MTTP: variants seen among roughly 807,000 people sequenced by gnomAD.
MTTP encodes the protein microsomal triglyceride transfer protein.
MTTP carries 49 observed loss-of-function variants against 90.6 expected under a neutral mutation model. The ratio of observed to expected loss-of-function variants is 0.54; its 90% confidence interval spans 0.43 to 0.69. The LOEUF (loss-of-function observed/expected upper bound fraction) is 0.69. Ranked by LOEUF, MTTP falls within the 30% of genes least tolerant of loss-of-function variation. The pLI is 0.00. For synonymous variants in MTTP, 347 were observed against 384.2 expected (o/e 0.90, Z 1.13); for missense variants, 945 against 1,067.5 (o/e 0.89, Z 1.60).
intron 3 of MTTP, 77 bp downstream of exon 3, chr4:99,583,594 G>C: frequency 4.6e-6 from 7 of 1,532,372 alleles, no homozygotes; most frequent in Non-Finnish European, 6.3e-6. Context: ...TTATTTTGAG[G>C]TAATCACATT....
Position 99,608,913 on chromosome 4 carries a change from C to T in MTTP, c.1705C>T (p.Gln569Ter), listed in dbSNP as rs1725885571. The change falls in exon 12 of 18, where the codon CAA becomes TAA. Residue 569 changes from glutamine (Q) to a stop codon, truncating the protein, a stop_gained. Transcript: ENST00000265517. LOFTEE classifies it high-confidence loss of function. ...NILLSIGELP[Q>*]EMNKYMLAIV... The stretch of plus-strand genomic sequence containing the variant: ...CCTGCTGTCTATTGGGGAGCTTCCC[C>T]AAGAAATGAATAAATACATGCTCGC... The T allele has an allele frequency of 6.2e-7, 1 of 1,614,066 alleles. No homozygotes were observed. The highest frequency in any genetic ancestry group is 8.5e-7 in the Non-Finnish European group (1 of 1,180,006).
At chr4:99,605,019 T>C (rs543697483) in intron 10 of MTTP, among the ~76,000 whole-genome samples, 2 of 152,340 alleles carry the variant, frequency 1.3e-5, no homozygotes, top group African/African-American at 2.4e-5. Flanking sequence ...TGTTTAGTCA[T>C]ATTATCAAGT....
chr4:99,620,394 C>T (rs1219090697), intron 16 of MTTP, among the ~76,000 whole-genome samples: 4 of 152,140 alleles, frequency 2.6e-5, no homozygotes, highest in African/African-American at 9.7e-5. Flanking sequence ...ATTATTTATC[C>T]TCTTCATCAT....
chr4:99,611,118 CT>C (rs763268175), intron 12 of MTTP, 24 bp from the exon 13 acceptor site: 68 of 1,572,426 alleles, frequency 4.3e-5, no homozygotes, highest in African/African-American at 6.8e-5. Flanking sequence ...GAATGTGCAG[CT>C]TTTTTTTTCC....
Position 99,581,996 on chromosome 4 carries a change from G to T in MTTP, c.153G>T (p.Leu51=). The T allele has an allele frequency of 6.2e-7, 1 of 1,614,222 alleles. No homozygotes were observed. The highest frequency in any genetic ancestry group is 8.5e-7 in the Non-Finnish European group (1 of 1,180,024). The change falls in exon 2 of 18, where the codon CTG becomes CTT. Residue 51 remains leucine, a synonymous_variant. Coordinates refer to ENST00000265517, the MANE Select transcript of MTTP (RefSeq NM_001386140.1). The stretch of plus-strand genomic sequence containing the variant: ...TTCTTGATCGGGGCAAAGGAAAACT[G>T]CAAGACAGCGTGGGCTACCGCATTT... ...EVLLDRGKGK[L]QDSVGYRISS... is the part of the protein sequence containing the mutation.
At chr4:99,577,464 G>A (rs1724991925) in intron 1 of MTTP, among the ~76,000 whole-genome samples, 1 of 151,938 alleles carries the variant, frequency 6.6e-6, no homozygotes, top group Non-Finnish European at 1.5e-5. Flanking sequence ...AATTAGCCAG[G>A]CATGGTAGCG....
chr4:99,621,185 C>A lies in MTTP; in HGVS notation c.2467C>A (p.Pro823Thr). The stretch of plus-strand genomic sequence containing the variant: ...CTCCACAGTGCAGTTTTCTCAGTAC[C>A]CATTCTTAGTTTGCATGCAGATGGA... ...FISTVQFSQY[P>T]FLVCMQMDKD... Residue 823 changes from proline (P) to threonine (T), a missense_variant, in exon 17 of 18, where the codon CCA becomes ACA. By Grantham distance (38) the Pro-to-Thr change is conservative. Coordinates refer to ENST00000265517, the MANE Select transcript of MTTP (RefSeq NM_001386140.1). The A allele has an allele frequency of 6.2e-7, 1 of 1,613,988 alleles. No individual in the cohort carries two copies. The highest frequency in any genetic ancestry group is 1.1e-5 in the South Asian group (1 of 91,070).
At chr4:99,593,625 C>G (rs1334228854) in intron 6 of MTTP, among the ~76,000 whole-genome samples, 2 of 151,968 alleles carry the variant, frequency 1.3e-5, no homozygotes, top group East Asian at 3.9e-4. Context: ...TGTGTTATAC[C>G]TTATGCCATT....
At chr4:99,598,227 A>G (rs545234903) in intron 8 of MTTP, among the ~76,000 whole-genome samples, 56 of 152,344 alleles carry the variant, frequency 3.7e-4, no homozygotes, top group African/African-American at 8.7e-4. Context: ...GCAAAATCAT[A>G]AATTATCAGG....
intron 4 of MTTP, 129 bp downstream of exon 4, chr4:99,589,879 C>A: frequency 1.4e-6 from 1 of 690,738 alleles, no homozygotes; most frequent in Admixed American, 2.2e-5. Flanking sequence ...AGTGAAGTCG[C>A]ATTTGCCTAT....
chr4:99,594,369 T>G (rs570421775), intron 6 of MTTP, among the ~76,000 whole-genome samples: 1 of 152,334 alleles, frequency 6.6e-6, no homozygotes, highest in Non-Finnish European at 1.5e-5. Context: ...ATTTTCTAGC[T>G]GTCTTGGTTA....
chr4:99,580,704 C>T (rs1725088292), intron 1 of MTTP, among the ~76,000 whole-genome samples: 1 of 151,584 alleles, frequency 6.6e-6, no homozygotes, highest in East Asian at 1.9e-4. Context: ...AATAATAGTG[C>T]CTACCTCATT....
In MTTP at chr4:99,612,022, G is replaced by C. The variant is rs536282886; in HGVS notation, c.1989+569G>C. 2.6e-5 allele frequency among the ~76,000 whole-genome samples: 4 copies of C among 152,104 alleles called. No homozygotes were observed. In the South Asian group the frequency reaches 8.3e-4, roughly 32 times the overall value. On this transcript the variant is annotated intron_variant, in intron 14 of 17. Transcript: ENST00000265517. ...ATCCCTTTAGTGTTATCCAAATTGA[G>C]GTGATGGTCTATAAAGACTTCCTAA... is the stretch of plus-strand genomic sequence containing the variant.
upstream of MTTP, among the ~76,000 whole-genome samples, chr4:99,573,744 A>G (rs187884593): frequency 1.3e-3 from 197 of 152,300 alleles, 1 homozygote; most frequent in African/African-American, 4.5e-3. Flanking sequence ...AGTGACCAGG[A>G]TAGATTTAAG....
At chr4:99,617,289 G>A (rs2220636) in intron 15 of MTTP, among the ~76,000 whole-genome samples, 12,544 of 152,170 alleles carry the variant, frequency 0.082, 900 homozygotes, top group East Asian at 0.19. Flanking sequence ...TGTGTCCTGA[G>A]CATGGCACTG....
chr4:99,602,651 T>C (rs1031112222), intron 10 of MTTP, among the ~76,000 whole-genome samples: 1 of 152,152 alleles, frequency 6.6e-6, no homozygotes, highest in Non-Finnish European at 1.5e-5. Context: ...GCTTGGGTAT[T>C]AACTTATTAA....
rs149272828 is a variant in MTTP, at chr4:99,585,345, T to A, written c.393+1828T>A. Reference sequence around the variant, plus strand: ...TAAGAAAAGTTAGGAAATTTGCCTATGGTCATACAACTGGCAGGTGGTGGA... The same window carrying A: ...TAAGAAAAGTTAGGAAATTTGCCTAAGGTCATACAACTGGCAGGTGGTGGA... On this transcript the variant is annotated intron_variant, in intron 3 of 17. Coordinates refer to ENST00000265517, the MANE Select transcript of MTTP (RefSeq NM_001386140.1). 9.9e-4 allele frequency among the ~76,000 whole-genome samples: 151 copies of A among 152,238 alleles called. 3 individuals carry two copies. The highest frequency in any genetic ancestry group is 6.8e-3 in the Middle Eastern group (2 of 294).
intron 11 of MTTP, 60 bp downstream of exon 11, chr4:99,607,020 A>C: frequency 2.1e-6 from 3 of 1,418,316 alleles, no homozygotes; most frequent in Non-Finnish European, 1.9e-6. Flanking sequence ...CATGCTGAAC[A>C]TGAGTCAAAT....
intron 8 of MTTP, among the ~76,000 whole-genome samples, chr4:99,598,425 T>G (rs1725610507): frequency 6.6e-6 from 1 of 152,148 alleles, no homozygotes; most frequent in Non-Finnish European, 1.5e-5. Flanking sequence ...GAATAGAGAT[T>G]ACATTAAACC....
Sources: allele counts gnomAD v4.1 joint callset (sites outside exome capture counted in the v4.1 genomes callset), GRCh38; gene constraint gnomAD v4.1.1; transcripts MANE v1.5; gene names NCBI Gene and HGNC (gene_info 2026-07-23, HGNC 2026-07-21).